The following MAP3K6 variants were observed in gnomAD, a reference collection of about 807,000 sequenced individuals.
MAP3K6 encodes the protein mitogen-activated protein kinase kinase kinase 6, also known as apoptosis signal-regulating kinase 2.
A neutral mutation model predicts 147.1 loss-of-function variants in MAP3K6; 105 were observed. The observed-to-expected ratio is 0.71, with a 90% CI of 0.61 to 0.84. MAP3K6 has a LOEUF of 0.84. Among genes scored for constraint, MAP3K6 ranks in the 40% least tolerant of loss-of-function variants. The pLI, the probability that MAP3K6 is intolerant of heterozygous loss-of-function variation, is 0.00. For missense variants in MAP3K6, 1,569 were observed against 1,715.0 expected (o/e 0.91, Z 1.50); for synonymous variants, 695 against 732.4 (o/e 0.95, Z 0.82).
At position 27,360,929 on chromosome 1, in the gene MAP3K6, T is replaced by A. The variant is rs1189215713; in HGVS notation, c.1912A>T (p.Met638Leu). ...PAEEAEGAGEMLEFDYEYTET... is the reference protein window; with the variant it reads ...PAEEAEGAGELLEFDYEYTET... Reference sequence around the variant, plus strand: ...CAGTCCCGCGTCCTCACCTCCAACATCTCCCCCGCGCCCTCCGCCTCCTCC... The same window carrying A: ...CAGTCCCGCGTCCTCACCTCCAACAACTCCCCCGCGCCCTCCGCCTCCTCC... The change falls in exon 14 of 29, where the codon ATG becomes TTG. Residue 638 changes from methionine (M) to leucine (L), a missense_variant. Transcript: ENST00000357582. This position sits in a 1 kb window ranked among gnomAD's most constrained non-coding sequence, Gnocchi z 4.5. 3.7e-6 allele frequency: 6 copies of A among 1,607,514 alleles called. No individual in the cohort carries two copies. Among genetic ancestry groups the A allele is most frequent in the Non-Finnish European group, 5.1e-6 (6 of 1,176,896 alleles).
At position 27,358,646 on chromosome 1, in the gene MAP3K6, A is replaced by G; in HGVS notation, c.2584-35T>C. 1 of 1,613,596 alleles carries G rather than the reference A, an allele frequency of 6.2e-7. No individual in the cohort carries two copies. Among genetic ancestry groups the G allele is most frequent in the African/African-American group, 1.3e-5 (1 of 75,022 alleles). ...GAGGGTGAACAAGGGTGACATTCAG[A>G]GGTGTCCAAGGCCCAGGCTGGCCCT... On this transcript the variant is annotated intron_variant, in intron 19 of 28. Transcript: ENST00000357582. The surrounding 1 kb of genome is among the most constrained non-coding windows in gnomAD (Gnocchi z 6.2).
intron 27 of MAP3K6, 62 bp downstream of exon 27, chr1:27,355,964 A>ATATC (rs2015506302): frequency 6.8e-6 from 10 of 1,477,300 alleles, no homozygotes; most frequent in Admixed American, 3.4e-5. Flanking sequence ...GAGCAGGAAG[A>ATATC]TGGACAGAGA....
chr1:27,358,113 C>A lies in MAP3K6; in HGVS notation c.2915+68G>T. 6.6e-7 allele frequency: 1 copy of A among 1,524,548 alleles called. No individual in the cohort carries two copies. The highest frequency in any genetic ancestry group is 8.8e-7 in the Non-Finnish European group (1 of 1,139,754). The allele number at this position is 1,524,548 out of a possible 1,614,324, so 94.4% of individuals were successfully genotyped here. ...AAGGTGCCCAGGTCCCCAGGGAGGG[C>A]TTTTGTAGGAGAGGAGAAAAAGGCA... On this transcript the variant is annotated intron_variant, in intron 21 of 28. Coordinates refer to ENST00000357582, the MANE Select transcript of MAP3K6 (RefSeq NM_004672.5). This position sits in a 1 kb window ranked among gnomAD's most constrained non-coding sequence, Gnocchi z 6.2.
In MAP3K6 at chr1:27,359,746, A is replaced by T; in HGVS notation, c.2319+112T>A. On this transcript the variant is annotated intron_variant, in intron 17 of 28. Coordinates refer to ENST00000357582, the MANE Select transcript of MAP3K6 (RefSeq NM_004672.5). The surrounding 1 kb of genome is among the most constrained non-coding windows in gnomAD (Gnocchi z 4.4). ...AAGGAGCCTCCCTGATGAATTCCCT[A>T]CCCTTTGCAACAGGTCTGCTCACTT... 6.6e-7 allele frequency: 1 copy of T among 1,505,514 alleles called. No homozygotes were observed. Among genetic ancestry groups the T allele is most frequent in the Non-Finnish European group, 9.1e-7 (1 of 1,104,920 alleles). The allele number at this position is 1,505,514 out of a possible 1,614,324, so 93.3% of individuals were successfully genotyped here. A position where few individuals can be genotyped will look rare whatever the true frequency, so the allele number is the denominator to read the frequency against.
rs1364279146 is a variant in MAP3K6, at chr1:27,362,083, C to T, written c.1415+8G>A. On this transcript the variant is annotated splice_region_variant and intron_variant, in intron 9 of 28. Transcript: ENST00000357582. ...GGTCAGGCCAAGAATGCAGAGGGGG[C>T]CACCTACCATATGGGGGCATTGAGC... 6.2e-7 allele frequency: 1 copy of T among 1,604,736 alleles called. No homozygotes were observed. Among genetic ancestry groups the T allele is most frequent in the Admixed American group, 1.7e-5 (1 of 59,120 alleles).
rs1321765956 is a variant in MAP3K6, at chr1:27,361,183, G to A, written c.1806C>T (p.Cys602=). The A allele has an allele frequency of 1.2e-6, 2 of 1,612,294 alleles. No individual in the cohort carries two copies. Among genetic ancestry groups the A allele is most frequent in the Non-Finnish European group, 1.7e-6 (2 of 1,179,576 alleles). Residue 602 remains cysteine, a synonymous_variant, in exon 13 of 29, where the codon TGC becomes TGT. Transcript: ENST00000357582. ...ACTGGCAGTGCCCTACGCTGGGGAA[G>A]CACAGCTGGACGTCCTGAGCCGGGG... ...ALPPAQDVQL[C]FPSVGHCQWF... is the part of the protein sequence containing the mutation.
Position 27,360,649 on chromosome 1 carries a change from C to T in MAP3K6, c.2054+56G>A, listed in dbSNP as rs1255185665. On this transcript the variant is annotated intron_variant, in intron 15 of 28. Coordinates refer to ENST00000357582, the MANE Select transcript of MAP3K6 (RefSeq NM_004672.5). The surrounding 1 kb of genome is among the most constrained non-coding windows in gnomAD (Gnocchi z 4.5). ...CACAGGAGCCGCTCCGCTCGTGGCC[C>T]GGCTCACTCGGCCCTCGCGAGCCCT... 3.8e-6 allele frequency: 6 copies of T among 1,564,818 alleles called. No individual in the cohort carries two copies. The highest frequency in any genetic ancestry group is 1.8e-4 in the Middle Eastern group (1 of 5,522).
chr1:27,363,186 A>C (rs2015848258), intron 6 of MAP3K6, among the ~76,000 whole-genome samples, 165 bp from the exon 7 acceptor site: 1 of 152,160 alleles, frequency 6.6e-6, no homozygotes, highest in Non-Finnish European at 1.5e-5. Context: ...CCTCAGATGG[A>C]AGTGATTCCT....
chr1:27,359,464 G>T lies in MAP3K6; in HGVS notation c.2378C>A (p.Thr793Asn), dbSNP rs761593683. The change falls in exon 18 of 29, where the codon ACC becomes AAC. Residue 793 changes from threonine (T) to asparagine (N), a missense_variant. Physicochemically the swap from Thr to Asn is moderately conservative, Grantham distance 65. Transcript: ENST00000357582. This position sits in a 1 kb window ranked among gnomAD's most constrained non-coding sequence, Gnocchi z 4.4. ...TGTGATGCCTGCCAGCCGCTTGGAG[G>T]TGCCGAAGTCAGAAATCTTGAGCAG... ...SGLLKISDFG[T>N]SKRLAGITPC... 4.3e-6 allele frequency: 7 copies of T among 1,614,026 alleles called. No homozygotes were observed. In the South Asian group the frequency reaches 6.6e-5, roughly 15 times the overall value.
At position 27,360,854 on chromosome 1, in the gene MAP3K6, T is replaced by A. The variant is rs1230194305; in HGVS notation, c.1921-16A>T. 3.7e-6 allele frequency: 6 copies of A among 1,611,982 alleles called. No homozygotes were observed. Among genetic ancestry groups the A allele is most frequent in the Non-Finnish European group, 5.1e-6 (6 of 1,179,584 alleles). On this transcript the variant is annotated splice_polypyrimidine_tract_variant and intron_variant, in intron 14 of 28. Coordinates refer to ENST00000357582, the MANE Select transcript of MAP3K6 (RefSeq NM_004672.5). This position sits in a 1 kb window ranked among gnomAD's most constrained non-coding sequence, Gnocchi z 4.5. ...CATAATCAAACTGCCGGGCGCGGGG[T>A]GAGATGGGAGTTCAGCAGGGCCCGC...
Position 27,360,374 on chromosome 1 carries a change from G to T in MAP3K6, c.2055-6C>A, listed in dbSNP as rs370161228. 2 of 1,612,308 alleles carry T rather than the reference G, an allele frequency of 1.2e-6. No homozygotes were observed. Among genetic ancestry groups the T allele is most frequent in the Non-Finnish European group, 1.7e-6 (2 of 1,179,204 alleles). On this transcript the variant is annotated splice_region_variant and splice_polypyrimidine_tract_variant and intron_variant, in intron 15 of 28. Coordinates refer to ENST00000357582, the MANE Select transcript of MAP3K6 (RefSeq NM_004672.5). The surrounding 1 kb of genome is among the most constrained non-coding windows in gnomAD (Gnocchi z 4.5). ...CATGCAGGGGCTGAGAGAACCTGAG[G>T]GGAGGTAAGGGAGAGAGGAAAGGGA...
intron 28 of MAP3K6, 79 bp from the exon 29 acceptor site, chr1:27,355,548 C>A (rs530633142): frequency 6.4e-7 from 1 of 1,573,130 alleles, no homozygotes; most frequent in Admixed American, 1.7e-5. Context: ...TGCCCAGTGC[C>A]CCCTCTGTCC....
rs746207218 is a variant in MAP3K6, at chr1:27,356,621, G to A, written c.3493C>T (p.Gln1165Ter). The A allele has an allele frequency of 1.2e-6, 2 of 1,612,794 alleles. No homozygotes were observed. The highest frequency in any genetic ancestry group is 1.7e-6 in the Non-Finnish European group (2 of 1,179,326). ...GTCTCTGCCCTCAAGAGGCTCAGCT[G>A]CACCATCAGAGGAGCGGGGCCCTGC... ...PEQGPAPLMVQLSLLRAETDR... is the reference protein window; with the variant it reads ...PEQGPAPLMV Residue 1165 changes from glutamine (Q) to a stop codon, truncating the protein, a stop_gained, in exon 25 of 29, where the codon CAG (glutamine) becomes TAG (stop). Transcript: ENST00000357582. LOFTEE classifies it high-confidence loss of function.
intron 1 of MAP3K6, 123 bp from the exon 2 acceptor site, chr1:27,365,035 G>T: frequency 2.9e-6 from 3 of 1,025,338 alleles, no homozygotes; most frequent in Non-Finnish European, 4.2e-6. Context: ...TCTGCTTTGG[G>T]CTTCAGTCGG....
At chr1:27,356,835 G>C (rs2015544331) in intron 24 of MAP3K6, 86 bp from the exon 25 acceptor site, 1 of 1,489,126 alleles carries the variant, frequency 6.7e-7, no homozygotes, top group African/African-American at 1.4e-5. Context: ...AGGGTGCCCG[G>C]CTCTGGGCAG....
In MAP3K6 at chr1:27,366,115, C is replaced by T. The variant is rs905736023; in HGVS notation, c.340+143G>A. On this transcript the variant is annotated intron_variant, in intron 1 of 28. Coordinates refer to ENST00000357582, the MANE Select transcript of MAP3K6 (RefSeq NM_004672.5). This position sits in a 1 kb window ranked among gnomAD's most constrained non-coding sequence, Gnocchi z 5.5. Reference sequence around the variant, plus strand: ...TCCCACTTTTTTCACGGCCCTGTCCCAAGCCCTTCAGCTTTAGCTCACTTT... The same window carrying T: ...TCCCACTTTTTTCACGGCCCTGTCCTAAGCCCTTCAGCTTTAGCTCACTTT... The T allele has an allele frequency of 5.3e-6, 5 of 940,208 alleles. No homozygotes were observed. The African/African-American group carries it at 6.8e-5, about 13-fold the overall frequency. The allele number at this position is 940,208 out of a possible 1,614,324, so 58.2% of individuals were successfully genotyped here.
rs1331938653 is a variant in MAP3K6, at chr1:27,360,515, A to G, written c.2055-147T>C. ...CCACCCTTACTACCCTGCCCACAGG[A>G]CCCTCCAGACCTCAATCCCGCCCGC... On this transcript the variant is annotated intron_variant, in intron 15 of 28. Coordinates refer to ENST00000357582, the MANE Select transcript of MAP3K6 (RefSeq NM_004672.5). This position sits in a 1 kb window ranked among gnomAD's most constrained non-coding sequence, Gnocchi z 4.5. 1.7e-6 allele frequency: 2 copies of G among 1,183,476 alleles called. No homozygotes were observed. The highest frequency in any genetic ancestry group is 1.7e-5 in the African/African-American group (1 of 58,680). 73.3% of individuals were successfully genotyped at this position (1,183,476 alleles called of 1,614,324 possible).
Position 27,366,442 on chromosome 1 carries a change from G to A in MAP3K6, c.156C>T (p.Thr52=). 1 of 1,214,992 alleles carries A rather than the reference G, an allele frequency of 8.2e-7. No individual in the cohort carries two copies. Among genetic ancestry groups the A allele is most frequent in the South Asian group, 3.9e-5 (1 of 25,430 alleles). The allele number at this position is 1,214,992 out of a possible 1,614,324, so 75.3% of individuals were successfully genotyped here. Residue 52 remains threonine (T), a synonymous_variant, in exon 1 of 29, where the codon ACC becomes ACT. Coordinates refer to ENST00000357582, the MANE Select transcript of MAP3K6 (RefSeq NM_004672.5). The surrounding 1 kb of genome is among the most constrained non-coding windows in gnomAD (Gnocchi z 5.5). Reference sequence around the variant, plus strand: ...GCTCGAGCCCGGGCTGCGGCTCCCGGGTCAGCACGTAGACCACGCTGAGCG... The same window carrying A: ...GCTCGAGCCCGGGCTGCGGCTCCCGAGTCAGCACGTAGACCACGCTGAGCG... ...SRPLSVVYVL[T]REPQPGLEPR... is the part of the protein sequence containing the mutation.
rs1230360802 is a variant in MAP3K6 at position 27,356,990 on chromosome 1, C to T, written c.3364+19G>A. On this transcript the variant is annotated intron_variant, in intron 24 of 28. Transcript: ENST00000357582. ...ACCACACCCTCGCTGGCAGGAGGCC[C>T]GTGGCATTCCCCTCCTACCCGGTCC... 2 of 1,606,984 alleles carry T rather than the reference C, an allele frequency of 1.2e-6. No individual in the cohort carries two copies. Among genetic ancestry groups the T allele is most frequent in the Admixed American group, 1.7e-5 (1 of 59,940 alleles).
Sources: allele counts gnomAD v4.1 joint callset (sites outside exome capture counted in the v4.1 genomes callset), GRCh38; gene constraint gnomAD v4.1.1; non-coding constraint Gnocchi (gnomAD v3.1); transcripts MANE v1.5; gene names NCBI Gene and HGNC (gene_info 2026-07-23, HGNC 2026-07-21).